The following SLC18A2 variants were observed in gnomAD, a reference collection of about 807,000 sequenced individuals.
SLC18A2 encodes the protein solute carrier family 18 member A2.
Under a neutral mutation model 59.2 loss-of-function variants are expected in SLC18A2, and 33 were observed. The ratio of observed to expected loss-of-function variants is 0.56; its 90% confidence interval spans 0.42 to 0.75. The LOEUF (loss-of-function observed/expected upper bound fraction) is 0.75. Ranked by LOEUF, SLC18A2 falls within the 30% of genes least tolerant of loss-of-function variation. The pLI is 0.00. For missense variants in SLC18A2, 569 were observed against 668.6 expected (o/e 0.85, Z 1.64); for synonymous variants, 228 against 253.5 (o/e 0.90, Z 0.95).
intron 4 of SLC18A2, among the ~76,000 whole-genome samples, chr10:117,253,783 T>C (rs1589979764): frequency 6.6e-6 from 1 of 151,848 alleles, no homozygotes; most frequent in African/African-American, 2.4e-5. Context: ...AAGACGGAGG[T>C]TGCAGTAAGC....
At chr10:117,247,563 C>G (rs376796329) in intron 3 of SLC18A2, among the ~76,000 whole-genome samples, 1 of 152,246 alleles carries the variant, frequency 6.6e-6, no homozygotes, top group Non-Finnish European at 1.5e-5. Flanking sequence ...GTCTTTCTTG[C>G]ACTGACTTGG....
At chr10:117,270,711 C>T (rs1263198636) in intron 15 of SLC18A2, among the ~76,000 whole-genome samples, 12 of 152,172 alleles carry the variant, frequency 7.9e-5, no homozygotes, top group Admixed American at 7.9e-4. Context: ...CAGTGTTGCT[C>T]TTTTGTCGAC....
chr10:117,248,362 C>T (rs1393316175), intron 3 of SLC18A2, among the ~76,000 whole-genome samples: 2 of 152,150 alleles, frequency 1.3e-5, no homozygotes, highest in East Asian at 3.8e-4. Flanking sequence ...ATAGGATGCA[C>T]ATTCTTCCTG....
At chr10:117,254,723 T>C (rs373651484) in intron 6 of SLC18A2, among the ~76,000 whole-genome samples, 34 of 152,276 alleles carry the variant, frequency 2.2e-4, no homozygotes, top group African/African-American at 1.4e-4. Context: ...CAAACCTCCC[T>C]GGGCCCAGAT....
chr10:117,241,526 C>T, intron 1 of SLC18A2, 153 bp from the exon 2 acceptor site: 1 of 787,026 alleles, frequency 1.3e-6, no homozygotes, highest in Non-Finnish European at 1.8e-6. Context: ...CGTGGGGACG[C>T]GCTCGAGGCA....
intron 2 of SLC18A2, among the ~76,000 whole-genome samples, chr10:117,242,310 G>C (rs187248110): frequency 6.6e-6 from 1 of 152,112 alleles, no homozygotes; most frequent in Non-Finnish European, 1.5e-5. Flanking sequence ...AGGAACCATT[G>C]CAAGAACAAT....
chr10:117,276,723 C>T (rs187998161), intron 15 of SLC18A2, among the ~76,000 whole-genome samples: 1 of 151,700 alleles, frequency 6.6e-6, no homozygotes, highest in East Asian at 1.9e-4. Flanking sequence ...AGGTACATTT[C>T]TCACATGTGA....
In SLC18A2 at chr10:117,244,030, C is replaced by T; in HGVS notation, c.181C>T (p.Gln61Ter). Reference sequence around the variant, plus strand: ...GCATGAGAAGAATGCTACAGAAATCCAGACGGCCAGGCCAGTGCACACTGC... The same window carrying T: ...GCATGAGAAGAATGCTACAGAAATCTAGACGGCCAGGCCAGTGCACACTGC... ...IKHEKNATEI[Q>*]TARPVHTASI... Residue 61 changes from glutamine to a stop codon, truncating the protein, a stop_gained, in exon 3 of 16, where the codon CAG becomes TAG. Transcript: ENST00000644641. LOFTEE classifies it high-confidence loss of function. The T allele has an allele frequency of 6.2e-7, 1 of 1,614,192 alleles. No homozygotes were observed. Among genetic ancestry groups the T allele is most frequent in the South Asian group, 1.1e-5 (1 of 91,082 alleles).
At position 117,244,291 on chromosome 10, in the gene SLC18A2, T is replaced by A; in HGVS notation, c.442T>A (p.Phe148Ile). The A allele has an allele frequency of 1.2e-6, 2 of 1,614,006 alleles. No homozygotes were observed. Among genetic ancestry groups the A allele is most frequent in the Non-Finnish European group, 1.7e-6 (2 of 1,179,926 alleles). Residue 148 changes from phenylalanine (F) to isoleucine (I), a missense_variant, in exon 3 of 16, where the codon TTC (phenylalanine) becomes ATC (isoleucine). Phe to Ile is a conservative substitution (Grantham distance 21). This residue lies in a region of SLC18A2 where 377 missense variants were observed against 389.8 expected (regional missense o/e 0.97). Coordinates refer to ENST00000644641, the MANE Select transcript of SLC18A2 (RefSeq NM_003054.6). ...KATVQLITNPFIGLLTNRIGY... is the reference protein window; with the variant it reads ...KATVQLITNPIIGLLTNRIGY... ...CACCGTCCAGCTCATCACCAACCCT[T>A]TCATAGGACTACTGACCAACAGGTA...
At position 117,243,973 on chromosome 10, in the gene SLC18A2, C is replaced by T. The variant is rs1482068772; in HGVS notation, c.124C>T (p.Pro42Ser). Residue 42 changes from proline to serine, a missense_variant and splice_region_variant, in exon 3 of 16, where the codon CCC becomes TCC. This residue lies in a region of SLC18A2 where 377 missense variants were observed against 389.8 expected (regional missense o/e 0.97). Coordinates refer to ENST00000644641, the MANE Select transcript of SLC18A2 (RefSeq NM_003054.6). Reference protein sequence around the residue: ...LDNMLLTVVVPIIPSYLYSIK... With the variant: ...LDNMLLTVVVSIIPSYLYSIK... ...TGCCATTCTGCTCTTATCCCCAGTC[C>T]CCATCATCCCAAGTTATCTGTACAG... 4 of 1,610,948 alleles carry T rather than the reference C, an allele frequency of 2.5e-6. No individual in the cohort carries two copies. In the South Asian group the frequency reaches 3.3e-5, roughly 13 times the overall value.
chr10:117,278,551 A>C lies in SLC18A2; in HGVS notation c.*1285A>C, dbSNP rs1395854841. On this transcript the variant is annotated 3_prime_UTR_variant, in exon 16 of 16. Coordinates refer to ENST00000644641, the MANE Select transcript of SLC18A2 (RefSeq NM_003054.6). ...TCATTTTGTTAAGAGATATGACTGGAGTGTGCAGTGTGGAATGTCTCTAAT... is the reference window on the plus strand; with the variant it reads ...TCATTTTGTTAAGAGATATGACTGGCGTGTGCAGTGTGGAATGTCTCTAAT... The C allele has an allele frequency of 6.6e-6, 1 of 152,168 alleles. No individual in the cohort carries two copies. Among genetic ancestry groups the C allele is most frequent in the East Asian group, 1.9e-4 (1 of 5,194 alleles). 9.4% of individuals were successfully genotyped at this position (152,168 alleles called of 1,614,324 possible). A position where few individuals can be genotyped will look rare whatever the true frequency, so the allele number is the denominator to read the frequency against.
intron 10 of SLC18A2, among the ~76,000 whole-genome samples, chr10:117,264,318 A>C (rs1844325264): frequency 6.6e-6 from 1 of 152,220 alleles, no homozygotes; most frequent in Non-Finnish European, 1.5e-5. Context: ...CCCTAGAAAG[A>C]ATTCTTGCTG....
At chr10:117,272,857 C>A (rs571179213) in intron 15 of SLC18A2, among the ~76,000 whole-genome samples, 7 of 152,082 alleles carry the variant, frequency 4.6e-5, no homozygotes, top group Non-Finnish European at 1.0e-4. Flanking sequence ...AGGAAGCCAG[C>A]GGTGGCGGCC....
chr10:117,256,558 C>T (rs1051156784), intron 9 of SLC18A2, among the ~76,000 whole-genome samples: 5 of 152,216 alleles, frequency 3.3e-5, no homozygotes, highest in African/African-American at 4.8e-5. Context: ...TAGTTAAGTT[C>T]AGCCTTTGTC....
Position 117,255,137 on chromosome 10 carries a change from C to T in SLC18A2, c.701-140C>T, listed in dbSNP as rs766114195. 267 of 747,876 alleles carry T rather than the reference C, an allele frequency of 3.6e-4. 1 individual carries two copies. Among genetic ancestry groups the T allele is most frequent in the Non-Finnish European group, 5.5e-4 (249 of 452,410 alleles). 46.3% of individuals were successfully genotyped at this position (747,876 alleles called of 1,614,324 possible). On this transcript the variant is annotated intron_variant, in intron 6 of 15. Coordinates refer to ENST00000644641, the MANE Select transcript of SLC18A2 (RefSeq NM_003054.6). The stretch of plus-strand genomic sequence containing the variant: ...GTTGCCAAGACAACTGAACTCTAAC[C>T]GAACAGAACAATAGGGCAGCCACCC...
chr10:117,244,320 C>A lies in SLC18A2; in HGVS notation c.464+7C>A. The A allele has an allele frequency of 1.2e-6, 2 of 1,608,294 alleles. No homozygotes were observed. The highest frequency in any genetic ancestry group is 1.7e-6 in the Non-Finnish European group (2 of 1,176,266). On this transcript the variant is annotated splice_region_variant and intron_variant, in intron 3 of 15. Transcript: ENST00000644641. ...TAGGACTACTGACCAACAGGTAGGG[C>A]AGACTACTTTAGTCAAAGAGTTTGA...
intron 15 of SLC18A2, among the ~76,000 whole-genome samples, chr10:117,274,326 A>G (rs562727676): frequency 5.3e-5 from 8 of 152,334 alleles, no homozygotes; most frequent in African/African-American, 1.9e-4. Flanking sequence ...TGGTCAGTTA[A>G]GTATGCATGA....
intron 1 of SLC18A2, 148 bp from the exon 2 acceptor site, chr10:117,241,531 G>A: frequency 1.2e-6 from 1 of 827,938 alleles, no homozygotes; most frequent in Non-Finnish European, 1.7e-6. Flanking sequence ...GGACGCGCTC[G>A]AGGCAGGTGA....
chr10:117,261,257 G>A (rs1844291446), intron 10 of SLC18A2, among the ~76,000 whole-genome samples: 1 of 151,040 alleles, frequency 6.6e-6, no homozygotes, highest in Non-Finnish European at 1.5e-5. Flanking sequence ...AATTAGCCAG[G>A]AGTAGTAGCG....
Sources: gnomAD v4.1 joint callset for allele counts (sites outside exome capture counted in the v4.1 genomes callset) on GRCh38, gnomAD v4.1.1 for gene constraint, gnomAD v4.1.1 regional missense constraint, MANE v1.5 for transcripts, NCBI Gene and HGNC (gene_info 2026-07-23, HGNC 2026-07-21) for gene names.